TRPC1: variants seen among roughly 807,000 people sequenced by gnomAD.
TRPC1 encodes the protein short transient receptor potential channel 1.
Under a neutral mutation model 88.2 loss-of-function variants are expected in TRPC1, and 42 were observed. The observed-to-expected ratio is 0.48, with a 90% CI of 0.37 to 0.62. The LOEUF (loss-of-function observed/expected upper bound fraction) is 0.62, where lower values mean the gene tolerates loss of function less well. TRPC1 is among the 20% of genes least tolerant of loss of function. The pLI is 0.00. For missense variants in TRPC1, 699 were observed against 957.3 expected (o/e 0.73, Z 3.56); for synonymous variants, 288 against 331.8 (o/e 0.87, Z 1.43).
intron 3 of TRPC1, among the ~76,000 whole-genome samples, chr3:142,746,712 A>G (rs1392040323): frequency 1.3e-5 from 2 of 152,206 alleles, no homozygotes; most frequent in Admixed American, 6.5e-5. Context: ...ACCTCCTTAT[A>G]TTATTGGTAA....
Position 142,807,825 on chromosome 3 carries a change from A to G in TRPC1, c.*1590A>G, listed in dbSNP as rs1232557653. ...ATGAGTTGAGTTGCTTCTGAGGTACATTTTGAATGACAGCATATTGTAAGA... is the reference window on the plus strand; with the variant it reads ...ATGAGTTGAGTTGCTTCTGAGGTACGTTTTGAATGACAGCATATTGTAAGA... On this transcript the variant is annotated 3_prime_UTR_variant, in exon 13 of 13. Transcript: ENST00000476941. The G allele has an allele frequency of 1.3e-5, 2 of 152,134 alleles. No homozygotes were observed. The highest frequency in any genetic ancestry group is 1.9e-4 in the East Asian group (1 of 5,198). The allele number at this position is 152,134 out of a possible 1,614,324, so 9.4% of individuals were successfully genotyped here. A position where few individuals can be genotyped will look rare whatever the true frequency, so the allele number is the denominator to read the frequency against.
At chr3:142,804,412 C>A in intron 11 of TRPC1, 24 bp from the exon 12 acceptor site, 4 of 1,581,930 alleles carry the variant, frequency 2.5e-6, no homozygotes, top group Non-Finnish European at 3.4e-6. Context: ...TTCTAGTTTG[C>A]TTTTTAATTT....
chr3:142,784,560 A>G, intron 6 of TRPC1, 144 bp from the exon 7 acceptor site: 2 of 669,760 alleles, frequency 3.0e-6, no homozygotes, highest in Non-Finnish European at 4.9e-6. Context: ...TTATTGTTAG[A>G]AAAAGGGAAA....
chr3:142,795,244 A>ATAC (rs1936416301), intron 9 of TRPC1, among the ~76,000 whole-genome samples: 1 of 152,056 alleles, frequency 6.6e-6, no homozygotes, highest in African/African-American at 2.4e-5. Context: ...CCTAATATTA[A>ATAC]TACTAATGTA....
At chr3:142,735,316 G>A (rs1413477016) in intron 1 of TRPC1, among the ~76,000 whole-genome samples, 1 of 152,030 alleles carries the variant, frequency 6.6e-6, no homozygotes, top group African/African-American at 2.4e-5. Flanking sequence ...CCCAGTTTCA[G>A]TATTTTCTTT....
intron 4 of TRPC1, among the ~76,000 whole-genome samples, chr3:142,752,320 A>C (rs1277968282): frequency 1.3e-5 from 2 of 152,294 alleles, no homozygotes; most frequent in African/African-American, 4.8e-5. Flanking sequence ...TGAGCAAAAG[A>C]ATCTATATCA....
chr3:142,792,037 C>G lies in TRPC1; in HGVS notation c.1438-787C>G, dbSNP rs944932217. The stretch of plus-strand genomic sequence containing the variant: ...ATTAGTTCTTAGATTATTGAAAAGG[C>G]AAGCTCATTATTTTACATAATTTTA... On this transcript the variant is annotated intron_variant, in intron 8 of 12. Transcript: ENST00000476941. This position sits in a 1 kb window ranked among gnomAD's most constrained non-coding sequence, Gnocchi z 4.0. Among the ~76,000 whole-genome samples the G allele has an allele frequency of 1.3e-5, 2 of 151,856 alleles. No homozygotes were observed. The highest frequency in any genetic ancestry group is 6.6e-5 in the Admixed American group (1 of 15,232).
At chr3:142,734,484 A>C (rs965986049) in intron 1 of TRPC1, among the ~76,000 whole-genome samples, 1 of 152,170 alleles carries the variant, frequency 6.6e-6, no homozygotes, top group Admixed American at 6.5e-5. Flanking sequence ...AAAAAGAAAA[A>C]ACAGGAAATC....
At chr3:142,780,789 A>G (rs1440860502) in intron 5 of TRPC1, 45 bp from the exon 6 acceptor site, 1 of 1,523,690 alleles carries the variant, frequency 6.6e-7, no homozygotes, top group Non-Finnish European at 8.8e-7. Context: ...GCTTAATTAG[A>G]AGATGGAAAC....
chr3:142,755,150 C>G (rs1458406499), intron 4 of TRPC1, among the ~76,000 whole-genome samples: 2 of 152,134 alleles, frequency 1.3e-5, no homozygotes, highest in African/African-American at 4.8e-5. Context: ...TTGCTGGGCG[C>G]AGTGGCTCAT....
intron 4 of TRPC1, among the ~76,000 whole-genome samples, chr3:142,756,898 T>C (rs951680109): frequency 4.6e-5 from 7 of 152,198 alleles, no homozygotes; most frequent in Non-Finnish European, 1.0e-4. Context: ...ATCCCATTCT[T>C]TCCTGGCCTC....
At chr3:142,757,282 C>CTT (rs200705293) in intron 4 of TRPC1, among the ~76,000 whole-genome samples, 1 of 151,240 alleles carries the variant, frequency 6.6e-6, no homozygotes, top group African/African-American at 2.4e-5. Flanking sequence ...TATGGTAGTT[C>CTT]TTTTTTTTAA....
intron 4 of TRPC1, among the ~76,000 whole-genome samples, chr3:142,770,704 CTTG>C (rs1405249277): frequency 6.6e-6 from 1 of 152,098 alleles, no homozygotes; most frequent in Non-Finnish European, 1.5e-5. Context: ...TTCCATTTTA[CTTG>C]TTGTTTTCTG....
At chr3:142,739,547 G>C (rs1008638424) in intron 2 of TRPC1, among the ~76,000 whole-genome samples, 4 of 152,194 alleles carry the variant, frequency 2.6e-5, no homozygotes, top group Admixed American at 1.3e-4. Context: ...AAACAGTTGG[G>C]TTGGGGAGTA....
rs1324890955 is a variant in TRPC1, at chr3:142,804,661, A to T, written c.2154+31A>T. On this transcript the variant is annotated intron_variant, in intron 12 of 12. Transcript: ENST00000476941. Reference sequence around the variant, plus strand: ...AAATTAGAAGCTTGAATGGCAACATAAAAGTTTTAACAATTCCTAATCTCA... The same window carrying T: ...AAATTAGAAGCTTGAATGGCAACATTAAAGTTTTAACAATTCCTAATCTCA... 5 of 1,558,374 alleles carry T rather than the reference A, an allele frequency of 3.2e-6. No homozygotes were observed. In the South Asian group the frequency reaches 6.0e-5, roughly 19 times the overall value.
chr3:142,732,917 G>A (rs4305459), intron 1 of TRPC1, among the ~76,000 whole-genome samples: 140,412 of 152,002 alleles, frequency 0.92, 64,911 homozygotes, highest in East Asian at 1. Flanking sequence ...TAAGTTTTCT[G>A]ACCTCTTTTT....
chr3:142,759,667 G>C (rs146494895), intron 4 of TRPC1, among the ~76,000 whole-genome samples: 61 of 152,192 alleles, frequency 4.0e-4, no homozygotes, highest in African/African-American at 1.4e-3. Flanking sequence ...TTCTTTTGCT[G>C]TGCAGAAGCT....
At chr3:142,800,921 A>T (rs1936600149) in intron 9 of TRPC1, among the ~76,000 whole-genome samples, 2 of 150,414 alleles carry the variant, frequency 1.3e-5, no homozygotes, top group South Asian at 4.2e-4. Flanking sequence ...TTAAAAAGAA[A>T]GAAAAAAAAA....
At chr3:142,775,421 C>T (rs1935734293) in intron 4 of TRPC1, among the ~76,000 whole-genome samples, 1 of 152,096 alleles carries the variant, frequency 6.6e-6, no homozygotes, top group Admixed American at 6.5e-5. Flanking sequence ...GAGTTCAAGA[C>T]CAGCCTGGGC....
Sources: allele counts gnomAD v4.1 joint callset (sites outside exome capture counted in the v4.1 genomes callset), GRCh38; gene constraint gnomAD v4.1.1; non-coding constraint Gnocchi (gnomAD v3.1); transcripts MANE v1.5; gene names NCBI Gene and HGNC (gene_info 2026-07-23, HGNC 2026-07-21).